Variants in SCAF8 observed in about 807,000 individuals in gnomAD.
SCAF8 encodes SR-related CTD associated factor 8.
A neutral mutation model predicts 140.5 loss-of-function variants in SCAF8; 23 were observed. The observed-to-expected ratio is 0.16, with a 90% CI of 0.12 to 0.23. The LOEUF is 0.23. Ranked by LOEUF, SCAF8 falls within the 10% of genes least tolerant of loss-of-function variation. The pLI, the probability that SCAF8 is intolerant of heterozygous loss-of-function variation, is 1.00. For missense variants in SCAF8, 1,397 were observed against 1,555.7 expected, an observed-to-expected ratio of 0.90 and a Z score of 1.72; for synonymous variants, 575 against 528.9, an observed-to-expected ratio of 1.09 and a Z score of -1.20.
rs1014772207 is a variant in SCAF8 at position 154,733,470 on chromosome 6, C to T, written c.-431C>T. 1.5e-5 allele frequency: 21 copies of T among 1,364,280 alleles called. No homozygotes were observed. Among genetic ancestry groups the T allele is most frequent in the Non-Finnish European group, 1.7e-5 (18 of 1,061,682 alleles). 84.5% of individuals were successfully genotyped at this position (1,364,280 alleles called of 1,614,324 possible). On this transcript the variant is annotated 5_prime_UTR_variant, in exon 1 of 20. Transcript: ENST00000367178. Reference sequence around the variant, plus strand: ...CGCTTCCTCCTCTGTCTTCGCCGAGCGGGGCTGGTTCCTGCGGCCCGAGCG... The same window carrying T: ...CGCTTCCTCCTCTGTCTTCGCCGAGTGGGGCTGGTTCCTGCGGCCCGAGCG...
At chr6:154,756,826 T>C (rs1778978090) in intron 1 of SCAF8, among the ~76,000 whole-genome samples, 1 of 151,980 alleles carries the variant, frequency 6.6e-6, no homozygotes, top group Non-Finnish European at 1.5e-5. Context: ...TCAGGAGTTT[T>C]AAGACCAGCC....
intron 12 of SCAF8, among the ~76,000 whole-genome samples, chr6:154,814,418 A>G (rs1778187557): frequency 1.3e-5 from 2 of 152,228 alleles, no homozygotes; most frequent in South Asian, 4.1e-4. Flanking sequence ...GGAGATAAAC[A>G]GCTTGCAGGG....
intron 5 of SCAF8, among the ~76,000 whole-genome samples, chr6:154,794,636 T>G (rs1777533397): frequency 6.6e-6 from 1 of 151,506 alleles, no homozygotes; most frequent in South Asian, 2.1e-4. Context: ...ATATATAGGG[T>G]TTGGTGCTAG....
chr6:154,745,176 T>C (rs1226972410), intron 1 of SCAF8, among the ~76,000 whole-genome samples: 1 of 152,192 alleles, frequency 6.6e-6, no homozygotes, highest in Non-Finnish European at 1.5e-5. Context: ...TGTATGACCT[T>C]TGAGATGATA....
chr6:154,805,707 T>C (rs1239541101), intron 9 of SCAF8, among the ~76,000 whole-genome samples: 3 of 152,118 alleles, frequency 2.0e-5, no homozygotes, highest in African/African-American at 7.2e-5. Context: ...CTTTATGGTT[T>C]TTTCTGTAAT....
In SCAF8 at chr6:154,833,146, C is replaced by T. The variant is rs775415337; in HGVS notation, c.3567C>T (p.Pro1189=). ...GRDRIQNTWV[P]PPHARVFDYF... is the part of the protein sequence containing the mutation. ...ACAGAATTCAAAACACTTGGGTTCC[C>T]CCTCCTCATGCTCGGGTTTTTGATT... The change falls in exon 20 of 20, where the codon CCC becomes CCT. Residue 1189 remains proline (P), a synonymous_variant. Coordinates refer to ENST00000367178, the MANE Select transcript of SCAF8 (RefSeq NM_014892.5). 1.3e-5 allele frequency: 21 copies of T among 1,613,888 alleles called. No homozygotes were observed. Among genetic ancestry groups the T allele is most frequent in the Non-Finnish European group, 1.7e-5 (20 of 1,179,996 alleles).
intron 3 of SCAF8, among the ~76,000 whole-genome samples, chr6:154,778,345 G>A (rs1327775794): frequency 6.6e-6 from 1 of 152,246 alleles, no homozygotes; most frequent in Non-Finnish European, 1.5e-5. Context: ...TGGGAGAAGG[G>A]TGCGGGATTT....
intron 2 of SCAF8, among the ~76,000 whole-genome samples, chr6:154,777,300 A>T (rs1039278710): frequency 6.6e-6 from 1 of 152,190 alleles, no homozygotes; most frequent in African/African-American, 2.4e-5. Flanking sequence ...ACATGTATAT[A>T]CTATACGCTA....
chr6:154,767,543 T>C (rs1295728783), intron 1 of SCAF8, among the ~76,000 whole-genome samples: 1 of 139,610 alleles, frequency 7.2e-6, no homozygotes, highest in African/African-American at 2.7e-5. Context: ...TTTTTTTTTT[T>C]TTTTTTTTTT....
chr6:154,806,922 A>ATT (rs1777934218), intron 9 of SCAF8, among the ~76,000 whole-genome samples: 1 of 152,224 alleles, frequency 6.6e-6, no homozygotes, highest in Admixed American at 6.5e-5. Flanking sequence ...AACTCAAAAC[A>ATT]AACAGCTCGT....
chr6:154,816,652 C>A (rs979427168), intron 13 of SCAF8, among the ~76,000 whole-genome samples: 1 of 152,170 alleles, frequency 6.6e-6, no homozygotes, highest in Non-Finnish European at 1.5e-5. Context: ...TGATTTCATT[C>A]CCTGTGGTTA....
At chr6:154,741,009 A>G (rs561253504) in intron 1 of SCAF8, among the ~76,000 whole-genome samples, 2 of 152,288 alleles carry the variant, frequency 1.3e-5, no homozygotes, top group South Asian at 2.1e-4. Flanking sequence ...ACATCTGGTT[A>G]TTACTTTGGG....
chr6:154,815,950 T>A (rs759719637), intron 13 of SCAF8, 134 bp downstream of exon 13: 5 of 493,714 alleles, frequency 1.0e-5, no homozygotes, highest in Non-Finnish European at 1.9e-5. Flanking sequence ...ATTGCTTTAC[T>A]TTGATAATGT....
intron 9 of SCAF8, among the ~76,000 whole-genome samples, chr6:154,807,466 C>T (rs979806014): frequency 3.3e-5 from 5 of 151,522 alleles, no homozygotes; most frequent in Admixed American, 2.0e-4. Context: ...CTGCTACCTC[C>T]GCCTCTCAGG....
intron 8 of SCAF8, 139 bp downstream of exon 8, chr6:154,803,762 T>C (rs1325350856): frequency 1.6e-6 from 1 of 613,558 alleles, no homozygotes; most frequent in South Asian, 2.1e-5. Flanking sequence ...GTGGTAGAGA[T>C]ATGTCTTGTT....
chr6:154,791,991 C>G (rs764756602), intron 4 of SCAF8, among the ~76,000 whole-genome samples: 1 of 151,512 alleles, frequency 6.6e-6, no homozygotes, highest in Non-Finnish European at 1.5e-5. Context: ...CAGTGGCAAG[C>G]AGGTTTTTTA....
intron 1 of SCAF8, among the ~76,000 whole-genome samples, chr6:154,748,507 G>A (rs1003394688): frequency 6.6e-5 from 10 of 151,800 alleles, no homozygotes; most frequent in Non-Finnish European, 1.3e-4. Context: ...AAAAATTGTC[G>A]AGATGAATTT....
intron 1 of SCAF8, among the ~76,000 whole-genome samples, chr6:154,750,914 A>G (rs1307163655): frequency 6.6e-6 from 1 of 152,196 alleles, no homozygotes; most frequent in African/African-American, 2.4e-5. Context: ...CATTGTTAAT[A>G]GTACTATATT....
At chr6:154,806,588 A>C (rs1777921046) in intron 9 of SCAF8, among the ~76,000 whole-genome samples, 1 of 152,200 alleles carries the variant, frequency 6.6e-6, no homozygotes, top group Non-Finnish European at 1.5e-5. Context: ...GTACAGCTGA[A>C]GGATTCTAGG....
Sources: gnomAD v4.1 joint callset for allele counts (sites outside exome capture counted in the v4.1 genomes callset) on GRCh38, gnomAD v4.1.1 for gene constraint, MANE v1.5 for transcripts, NCBI Gene and HGNC (gene_info 2026-07-23, HGNC 2026-07-21) for gene names.